Variants in NRF1 observed in about 807,000 individuals in gnomAD.
NRF1 encodes nuclear respiratory factor 1.
A neutral mutation model predicts 58.5 loss-of-function variants in NRF1; 5 were observed. The ratio of observed to expected loss-of-function variants is 0.09; its 90% CI spans 0.04 to 0.18. The LOEUF (loss-of-function observed/expected upper bound fraction) is 0.18, where lower values mean the gene tolerates loss of function less well. NRF1 is among the 10% of genes least tolerant of loss of function. NRF1 has a pLI of 1.00. For synonymous variants in NRF1, 224 were observed against 246.7 expected, an observed-to-expected ratio of 0.91 and a Z score of 0.86; for missense variants, 288 against 657.7, an observed-to-expected ratio of 0.44 and a Z score of 6.15.
At chr7:129,752,940 G>T (rs1434800205) in intron 10 of NRF1, among the ~76,000 whole-genome samples, 1 of 152,162 alleles carries the variant, frequency 6.6e-6, no homozygotes, top group Non-Finnish European at 1.5e-5. Flanking sequence ...GGGGCGACTG[G>T]CCACGTCTTC....
At chr7:129,618,450 C>CT (rs1800701143) in intron 1 of NRF1, among the ~76,000 whole-genome samples, 1 of 152,202 alleles carries the variant, frequency 6.6e-6, no homozygotes, top group Admixed American at 6.5e-5. Flanking sequence ...AATCCTAACA[C>CT]TTTAGGAGGC....
At chr7:129,656,647 T>C (rs1801663096) in intron 1 of NRF1, among the ~76,000 whole-genome samples, 1 of 152,136 alleles carries the variant, frequency 6.6e-6, no homozygotes, top group Non-Finnish European at 1.5e-5. Flanking sequence ...CAACCTTGGC[T>C]CACTGCAACC....
At chr7:129,747,809 C>T (rs147752694) in intron 10 of NRF1, among the ~76,000 whole-genome samples, 284 of 152,280 alleles carry the variant, frequency 1.9e-3, no homozygotes, top group Middle Eastern at 3.4e-3. Context: ...GGAGAAAATT[C>T]GACTTCATTC....
At chr7:129,685,272 C>T (rs1281913156) in intron 4 of NRF1, among the ~76,000 whole-genome samples, 1 of 152,070 alleles carries the variant, frequency 6.6e-6, no homozygotes, top group Non-Finnish European at 1.5e-5. Flanking sequence ...GAAAATTAGC[C>T]AAGTGTGGTG....
chr7:129,679,079 A>G (rs1364859671), intron 4 of NRF1, among the ~76,000 whole-genome samples: 1 of 152,260 alleles, frequency 6.6e-6, no homozygotes, highest in Non-Finnish European at 1.5e-5. Flanking sequence ...TATAAAAGAT[A>G]GAAAACAAGG....
At chr7:129,678,088 T>C (rs1802224850) in intron 4 of NRF1, among the ~76,000 whole-genome samples, 1 of 152,154 alleles carries the variant, frequency 6.6e-6, no homozygotes, top group Non-Finnish European at 1.5e-5. Context: ...AGAAACAAAA[T>C]AATAGATAAT....
intron 9 of NRF1, among the ~76,000 whole-genome samples, chr7:129,719,843 G>T (rs888588388): frequency 6.6e-6 from 1 of 152,126 alleles, no homozygotes; most frequent in Admixed American, 6.5e-5. Flanking sequence ...GTAGCTTGGG[G>T]TCTAACAGGC....
intron 1 of NRF1, among the ~76,000 whole-genome samples, chr7:129,613,908 C>A (rs1014659352): frequency 6.6e-6 from 1 of 151,968 alleles, no homozygotes; most frequent in African/African-American, 2.4e-5. Context: ...GGGACAAGAG[C>A]GAGACTTCAT....
chr7:129,753,569 T>C (rs1417469800), intron 10 of NRF1, among the ~76,000 whole-genome samples: 9 of 152,238 alleles, frequency 5.9e-5, no homozygotes, highest in African/African-American at 2.2e-4. Flanking sequence ...GAGATTGATG[T>C]ATATGTTAGT....
chr7:129,645,370 G>A (rs1031237426), intron 1 of NRF1, among the ~76,000 whole-genome samples: 27 of 152,174 alleles, frequency 1.8e-4, no homozygotes, highest in African/African-American at 5.1e-4. Flanking sequence ...GAGAAGTGAG[G>A]ATGTGTTTAA....
At chr7:129,665,787 A>T (rs1801906777) in intron 2 of NRF1, among the ~76,000 whole-genome samples, 1 of 151,944 alleles carries the variant, frequency 6.6e-6, no homozygotes, top group African/African-American at 2.4e-5. Flanking sequence ...TAATTTTTTA[A>T]ATTTTTGCAG....
intron 10 of NRF1, among the ~76,000 whole-genome samples, chr7:129,754,054 C>G (rs1225293229): frequency 2.6e-5 from 4 of 152,212 alleles, no homozygotes; most frequent in Admixed American, 6.5e-5. Context: ...CGGGCCTGTG[C>G]TTCCTAGATG....
intron 1 of NRF1, among the ~76,000 whole-genome samples, 182 bp from the exon 2 acceptor site, chr7:129,657,160 CTCTG>C (rs1801674604): frequency 1.3e-5 from 2 of 152,148 alleles, no homozygotes; most frequent in African/African-American, 4.8e-5. Flanking sequence ...AAGAACACCA[CTCTG>C]TCATTTTTAT....
chr7:129,733,384 G>T (rs981500438), intron 10 of NRF1, among the ~76,000 whole-genome samples: 1 of 151,218 alleles, frequency 6.6e-6, no homozygotes, highest in Non-Finnish European at 1.5e-5. Context: ...GGAGAACGGC[G>T]TGAACCTGGG....
intron 1 of NRF1, among the ~76,000 whole-genome samples, chr7:129,622,197 C>T (rs537150269): frequency 6.6e-6 from 1 of 152,168 alleles, no homozygotes; most frequent in Admixed American, 6.5e-5. Flanking sequence ...CATTGTTTTT[C>T]AAGTTATCCT....
chr7:129,724,604 A>G (rs1803407934), intron 9 of NRF1, among the ~76,000 whole-genome samples: 1 of 152,278 alleles, frequency 6.6e-6, no homozygotes, highest in Admixed American at 6.5e-5. Flanking sequence ...AGCATTATTC[A>G]CAATAGCTAA....
intron 10 of NRF1, among the ~76,000 whole-genome samples, chr7:129,736,050 A>G (rs1328711396): frequency 6.6e-6 from 1 of 151,810 alleles, no homozygotes; most frequent in East Asian, 1.9e-4. Context: ...AAATTATAAG[A>G]CCCCACCCTG....
intron 1 of NRF1, among the ~76,000 whole-genome samples, chr7:129,655,624 C>A (rs1358682876): frequency 6.6e-6 from 1 of 151,920 alleles, no homozygotes; most frequent in Non-Finnish European, 1.5e-5. Context: ...TGGGTTCAAG[C>A]GATTCTTCTG....
chr7:129,698,424 C>T (rs1802748365), intron 5 of NRF1, among the ~76,000 whole-genome samples: 1 of 151,816 alleles, frequency 6.6e-6, no homozygotes, highest in African/African-American at 2.4e-5. Flanking sequence ...TTCTAGGCAC[C>T]TTTAAGAATA....
Sources: allele counts gnomAD v4.1 joint callset (sites outside exome capture counted in the v4.1 genomes callset), GRCh38; gene constraint gnomAD v4.1.1; transcripts MANE v1.5; gene names NCBI Gene and HGNC (gene_info 2026-07-23, HGNC 2026-07-21).